The following WWOX variants were observed in gnomAD, a reference collection of about 807,000 sequenced individuals.
WWOX encodes WW domain-containing oxidoreductase.
In WWOX, 69 loss-of-function variants were observed where a neutral mutation model predicts 46.2. The ratio of observed to expected loss-of-function variants is 1.49; its 90% CI spans 1.23 to 1.82. WWOX has a LOEUF of 1.82. WWOX is among the 40% of genes most tolerant of loss of function. WWOX has a pLI of 0.00. For synonymous variants in WWOX, 359 were observed against 202.6 expected, an observed-to-expected ratio of 1.77 and a Z score of -6.56; for missense variants, 919 against 542.6, an observed-to-expected ratio of 1.69 and a Z score of -6.89.
intron 8 of WWOX, chr16:78,756,836 G>A (rs1050491899): frequency 5.9e-6 from 4 of 682,328 alleles, no homozygotes; most frequent in Non-Finnish European, 1.1e-5. Context: ...CTACTGACCT[G>A]TATAATCGAT....
chr16:78,785,026 A>G (rs1447486333), intron 8 of WWOX, among the ~76,000 whole-genome samples: 1 of 152,196 alleles, frequency 6.6e-6, no homozygotes, highest in African/African-American at 2.4e-5. Context: ...ACTTGTGGCA[A>G]CAGCAGTTAT....
intron 8 of WWOX, among the ~76,000 whole-genome samples, chr16:79,083,711 C>T (rs12920082): frequency 0.026 from 3,929 of 152,204 alleles, 53 homozygotes; most frequent in African/African-American, 0.045. Flanking sequence ...ATCACTAACA[C>T]CCGGCCCTGA....
intron 8 of WWOX, among the ~76,000 whole-genome samples, chr16:79,052,106 G>A (rs2048179054): frequency 6.6e-6 from 1 of 150,406 alleles, no homozygotes; most frequent in Non-Finnish European, 1.5e-5. Flanking sequence ...AGTTACATAT[G>A]TATACATGTG....
intron 4 of WWOX, among the ~76,000 whole-genome samples, chr16:78,143,750 ATG>A (rs1258383992): frequency 2.2e-5 from 2 of 92,242 alleles, no homozygotes; most frequent in Non-Finnish European, 4.6e-5. Flanking sequence ...AAGAATTGGT[ATG>A]TTTTTTTTTT....
At chr16:78,795,359 A>T (rs1286617085) in intron 8 of WWOX, among the ~76,000 whole-genome samples, 1 of 152,150 alleles carries the variant, frequency 6.6e-6, no homozygotes, top group African/African-American at 2.4e-5. Flanking sequence ...CTTTAACACC[A>T]TATGCTTCTG....
chr16:79,153,727 AG>A (rs1314745884), intron 8 of WWOX, among the ~76,000 whole-genome samples: 2 of 152,146 alleles, frequency 1.3e-5, no homozygotes, highest in Admixed American at 6.5e-5. Flanking sequence ...GGTTAGTGAA[AG>A]CAACCTTTAG....
chr16:78,579,952 G>T (rs2045007044), intron 8 of WWOX, among the ~76,000 whole-genome samples: 1 of 152,226 alleles, frequency 6.6e-6, no homozygotes, highest in Non-Finnish European at 1.5e-5. Context: ...GCAGGTGGCT[G>T]TGAGGGAGTC....
chr16:78,101,316 G>T (rs951382038), intron 1 of WWOX, among the ~76,000 whole-genome samples: 1 of 142,322 alleles, frequency 7.0e-6, no homozygotes, highest in African/African-American at 2.6e-5. Flanking sequence ...CAAAGTGCTG[G>T]GATTACAGGC....
chr16:78,501,333 T>C (rs2085062707), intron 8 of WWOX, among the ~76,000 whole-genome samples: 1 of 151,632 alleles, frequency 6.6e-6, no homozygotes, highest in African/African-American at 2.4e-5. Flanking sequence ...TTTATGAAAA[T>C]CTTCAGATTT....
chr16:78,105,227 C>T (rs1027350082), intron 1 of WWOX, among the ~76,000 whole-genome samples: 57 of 152,208 alleles, frequency 3.7e-4, no homozygotes, highest in African/African-American at 1.3e-3. Flanking sequence ...TTTGGGAGGC[C>T]GAGGCAGGTG....
chr16:78,859,979 T>C (rs2052677888), intron 8 of WWOX, among the ~76,000 whole-genome samples: 2 of 152,204 alleles, frequency 1.3e-5, no homozygotes, highest in Non-Finnish European at 2.9e-5. Flanking sequence ...CAGATAGCTA[T>C]AGCAAATAGC....
chr16:78,917,803 C>G (rs2045286838), intron 8 of WWOX, among the ~76,000 whole-genome samples: 1 of 151,932 alleles, frequency 6.6e-6, no homozygotes. Context: ...TTGAGAAAAA[C>G]CCGTATTGTG....
Position 79,134,841 on chromosome 16 carries a change from C to G in WWOX, c.1057-76767C>G, listed in dbSNP as rs550203334. 2.0e-5 allele frequency among the ~76,000 whole-genome samples: 3 copies of G among 152,256 alleles called. No homozygotes were observed. In the East Asian group the frequency reaches 5.8e-4, roughly 29 times the overall value. On this transcript the variant is annotated intron_variant, in intron 8 of 8. Coordinates refer to ENST00000566780, the MANE Select transcript of WWOX (RefSeq NM_016373.4). Reference sequence around the variant, plus strand: ...TGACACGGGATGGCCTAATGGGTCCCCACCAGGGGTGGCTTGGAAAGGAGA... The same window carrying G: ...TGACACGGGATGGCCTAATGGGTCCGCACCAGGGGTGGCTTGGAAAGGAGA...
intron 8 of WWOX, among the ~76,000 whole-genome samples, chr16:78,477,526 G>T (rs2084379851): frequency 6.6e-6 from 1 of 152,052 alleles, no homozygotes; most frequent in Non-Finnish European, 1.5e-5. Context: ...AAGTGTTCAT[G>T]CCGCAATGCA....
At chr16:78,225,456 A>G (rs1405762457) in intron 5 of WWOX, among the ~76,000 whole-genome samples, 4 of 152,076 alleles carry the variant, frequency 2.6e-5, no homozygotes, top group African/African-American at 2.4e-5. Context: ...TTTTAATTCT[A>G]TTGCAACCAA....
intron 8 of WWOX, among the ~76,000 whole-genome samples, chr16:79,105,206 G>T (rs1029188253): frequency 1.3e-5 from 2 of 152,226 alleles, no homozygotes; most frequent in Non-Finnish European, 2.9e-5. Context: ...GTGACAAAAG[G>T]GTCCTCAGTA....
At chr16:78,451,562 C>A (rs980522869) in intron 8 of WWOX, among the ~76,000 whole-genome samples, 3 of 152,116 alleles carry the variant, frequency 2.0e-5, no homozygotes, top group African/African-American at 7.2e-5. Flanking sequence ...TGCTGGCCAG[C>A]CACATTACCT....
chr16:79,134,106 T>A (rs990704025), intron 8 of WWOX, among the ~76,000 whole-genome samples: 1 of 152,086 alleles, frequency 6.6e-6, no homozygotes, highest in African/African-American at 2.4e-5. Flanking sequence ...TTTTTAAAAA[T>A]ATGCTGATCT....
At chr16:78,318,272 A>ATTT (rs34730954) in intron 5 of WWOX, among the ~76,000 whole-genome samples, 7,178 of 123,500 alleles carry the variant, frequency 0.058, 397 homozygotes, top group South Asian at 0.19. Context: ...TCTGGGAGGA[A>ATTT]TTTTTTTTTT....
Sources: gnomAD v4.1 joint callset for allele counts (sites outside exome capture counted in the v4.1 genomes callset) on GRCh38, gnomAD v4.1.1 for gene constraint, MANE v1.5 for transcripts, NCBI Gene and HGNC (gene_info 2026-07-23, HGNC 2026-07-21) for gene names.